TDRD12: variants seen among roughly 807,000 people sequenced by gnomAD.
TDRD12 encodes the protein tudor domain containing 12, also known as putative ATP-dependent RNA helicase TDRD12.
TDRD12 carries 158 observed loss-of-function variants against 133.5 expected under a neutral mutation model. That is an observed-to-expected ratio of 1.18 (90% CI 1.04 to 1.35). The LOEUF is 1.35. TDRD12 is among the 40% of genes most tolerant of loss of function. The pLI is 0.00. For synonymous variants in TDRD12, 460 were observed against 477.9 expected (o/e 0.96, Z 0.49); for missense variants, 1,443 against 1,321.3 (o/e 1.09, Z -1.43).
exon 1 of TDRD12, chr19:32,719,983 G>C (rs1599809987): frequency 1.4e-6 from 2 of 1,477,700 alleles, no homozygotes; most frequent in African/African-American, 1.4e-5. Context: ...CGCGGCGGGG[G>C]CCTGGCCGGG....
intron 11 of TDRD12, among the ~76,000 whole-genome samples, chr19:32,777,840 TATATATATATATATATA>T (rs1360498649): frequency 9.1e-4 from 14 of 15,378 alleles, no homozygotes; most frequent in East Asian, 3.9e-3. Flanking sequence ...TATATATATA[TATATATATATATATATA>T]TTTTTTTTTT....
At chr19:32,817,273 A>G (rs1967212273) in intron 26 of TDRD12, among the ~76,000 whole-genome samples, 1 of 152,098 alleles carries the variant, frequency 6.6e-6, no homozygotes, top group Admixed American at 6.6e-5. Context: ...TACTCCTTAA[A>G]TAATAATTCC....
rs1201916334 is a variant in TDRD12 at position 32,748,549 on chromosome 19, C to T, written c.496+18C>T. ...TCTGAAAGGTAAGCCAGTGCCTGAT[C>T]ACTGCAGCCTGCCTGGAAGTGACAC... On this transcript the variant is annotated intron_variant, in intron 5 of 27. Transcript: ENST00000444215. The T allele has an allele frequency of 6.5e-7, 1 of 1,548,234 alleles. No individual in the cohort carries two copies. Among genetic ancestry groups the T allele is most frequent in the South Asian group, 1.2e-5 (1 of 83,564 alleles).
intron 8 of TDRD12, among the ~76,000 whole-genome samples, chr19:32,760,138 G>A (rs1332082874): frequency 6.6e-6 from 1 of 152,218 alleles, no homozygotes; most frequent in East Asian, 1.9e-4. Context: ...TCCATTGCTT[G>A]ATATGTCAAA....
chr19:32,803,151 G>A lies in TDRD12; in HGVS notation c.2552+9G>A, dbSNP rs1176810041. On this transcript the variant is annotated intron_variant, in intron 21 of 27. Coordinates refer to ENST00000444215, the Ensembl canonical transcript of TDRD12. ...GCTTTTGGTTTTTGCAAGTGAGCCA[G>A]TAATTTGTTTCTTATTAAACTGATG... The A allele has an allele frequency of 2.7e-6, 4 of 1,505,728 alleles. No individual in the cohort carries two copies. The highest frequency in any genetic ancestry group is 3.5e-6 in the Non-Finnish European group (4 of 1,135,376). 93.3% of individuals were successfully genotyped at this position (1,505,728 alleles called of 1,614,324 possible).
intron 8 of TDRD12, among the ~76,000 whole-genome samples, chr19:32,765,541 A>G (rs1970270464): frequency 6.6e-6 from 1 of 152,208 alleles, no homozygotes; most frequent in South Asian, 2.1e-4. Flanking sequence ...CATATACACC[A>G]TGGAATACTA....
rs77864233 is a variant in TDRD12, at chr19:32,763,278, G to A, written c.865+6148G>A. On this transcript the variant is annotated intron_variant, in intron 8 of 27. Transcript: ENST00000444215. ...TTGGGCATTTTGATACCATATAAAT[G>A]GTAGGAGGGGTGGAGAGAGGGAAAT... 3.6e-3 allele frequency among the ~76,000 whole-genome samples: 555 copies of A among 152,274 alleles called. 2 individuals carry two copies. The highest frequency in any genetic ancestry group is 0.013 in the African/African-American group (543 of 41,566).
rs1281673282 is a variant in TDRD12 at position 32,811,218 on chromosome 19, T to G, written c.2846T>G (p.Val949Gly). ...GCCCCATTGCTCTCCAGGGTTCAGGTGTTGGAAGTGAACCAAAAAGAAGAC... is the reference window on the plus strand; with the variant it reads ...GCCCCATTGCTCTCCAGGGTTCAGGGGTTGGAAGTGAACCAAAAAGAAGAC... Residue 949 changes from valine (V) to glycine (G), a missense_variant, in exon 24 of 28, where the codon GTG becomes GGG. Physicochemically the swap from Val to Gly is moderately radical, Grantham distance 109. Transcript: ENST00000444215. The G allele has an allele frequency of 2.0e-6, 3 of 1,535,994 alleles. No individual in the cohort carries two copies. In the South Asian group the frequency reaches 3.6e-5, roughly 18 times the overall value.
At chr19:32,805,410 T>A (rs1353721659) in intron 21 of TDRD12, among the ~76,000 whole-genome samples, 2 of 150,808 alleles carry the variant, frequency 1.3e-5, no homozygotes, top group African/African-American at 4.9e-5. Context: ...AAAAAAAAAA[T>A]ATGTGTGTAA....
At chr19:32,721,347 G>T in intron 1 of TDRD12, among the ~76,000 whole-genome samples, 1 of 152,242 alleles carries the variant, frequency 6.6e-6, no homozygotes, top group African/African-American at 2.4e-5. Context: ...GGAGCTGGAC[G>T]TAGCAGATTG....
chr19:32,731,383 C>T (rs1969046504), intron 1 of TDRD12, among the ~76,000 whole-genome samples: 1 of 151,852 alleles, frequency 6.6e-6, no homozygotes. Flanking sequence ...AGCGAGACAC[C>T]ATCTCTATTT....
intron 1 of TDRD12, among the ~76,000 whole-genome samples, chr19:32,721,187 C>T (rs952448924): frequency 6.6e-6 from 1 of 152,108 alleles, no homozygotes; most frequent in Non-Finnish European, 1.5e-5. Flanking sequence ...TGGACCCTTG[C>T]TTTTCCCCCT....
intron 19 of TDRD12, among the ~76,000 whole-genome samples, chr19:32,802,173 A>T (rs1971413559): frequency 7.0e-6 from 1 of 143,212 alleles, no homozygotes; most frequent in African/African-American, 2.6e-5. Flanking sequence ...GATAATATAT[A>T]TCATATATAT....
At chr19:32,796,257 C>T in intron 14 of TDRD12, 1 of 848,962 alleles carries the variant, frequency 1.2e-6, no homozygotes, top group South Asian at 5.4e-5. Flanking sequence ...GCTCATTTTT[C>T]TAACCGTGCC....
At chr19:32,756,022 A>G in exon 7 of TDRD12, 1 of 1,473,440 alleles carries the variant, frequency 6.8e-7, no homozygotes, top group Non-Finnish European at 8.9e-7. Flanking sequence ...TGTTGCAAAG[A>G]ACTATGCTTG....
chr19:32,817,712 T>C (rs1304588066), intron 26 of TDRD12, among the ~76,000 whole-genome samples: 2 of 151,672 alleles, frequency 1.3e-5, no homozygotes, highest in Non-Finnish European at 2.9e-5. Flanking sequence ...CCATTGCCTG[T>C]TCCAGCAGCC....
rs113738870 is a variant in TDRD12, at chr19:32,727,035, C to T, written c.25-4690C>T. Among the ~76,000 whole-genome samples, 1,236 of 152,232 alleles carry T rather than the reference C, an allele frequency of 8.1e-3. 15 individuals are homozygous for T. The highest frequency in any genetic ancestry group is 0.028 in the African/African-American group (1,168 of 41,542). On this transcript the variant is annotated intron_variant, in intron 1 of 27. Coordinates refer to ENST00000444215, the Ensembl canonical transcript of TDRD12. The stretch of plus-strand genomic sequence containing the variant: ...CTACCATTTTCCACAGCAGCTATGC[C>T]GTTTTACATTCATACCAACAGTGCA...
intron 11 of TDRD12, among the ~76,000 whole-genome samples, chr19:32,790,016 A>G (rs1398815063): frequency 2.0e-5 from 3 of 152,070 alleles, no homozygotes; most frequent in Non-Finnish European, 4.4e-5. Context: ...AAAAAAAGAA[A>G]AAAGAAAAAA....
intron 11 of TDRD12, among the ~76,000 whole-genome samples, chr19:32,778,076 G>A (rs946272663): frequency 4.0e-5 from 6 of 151,424 alleles, no homozygotes; most frequent in Admixed American, 6.6e-5. Context: ...AACTGTAGCT[G>A]CCCTGGAGCT....
Sources: gnomAD v4.1 joint callset for allele counts (sites outside exome capture counted in the v4.1 genomes callset) on GRCh38, gnomAD v4.1.1 for gene constraint, MANE v1.5 for transcripts, NCBI Gene and HGNC (gene_info 2026-07-23, HGNC 2026-07-21) for gene names.